Variants in COL27A1 observed in about 807,000 individuals in gnomAD.
The protein encoded by COL27A1 is collagen alpha-1(XXVII) chain.
A neutral mutation model predicts 251.3 loss-of-function variants in COL27A1; 106 were observed. The ratio of observed to expected loss-of-function variants is 0.42; its 90% confidence interval spans 0.36 to 0.50. The LOEUF (loss-of-function observed/expected upper bound fraction) is 0.50, where lower values mean the gene tolerates loss of function less well. Among genes scored for constraint, COL27A1 ranks in the 20% least tolerant of loss-of-function variants. COL27A1 has a pLI of 0.00. For synonymous variants in COL27A1, 1,000 were observed against 986.3 expected (o/e 1.01, Z -0.26); for missense variants, 2,325 against 2,522.8 (o/e 0.92, Z 1.68).
intron 60 of COL27A1, 133 bp downstream of exon 60, chr9:114,309,611 A>G: frequency 1.4e-6 from 1 of 709,640 alleles, no homozygotes; most frequent in Admixed American, 3.0e-5. Flanking sequence ...GATAGATATG[A>G]TTTCATCTTT....
chr9:114,271,170 T>C (rs1431626414), intron 36 of COL27A1: 1 of 216,768 alleles, frequency 4.6e-6, no homozygotes, highest in Non-Finnish European at 9.0e-6. Context: ...CAATGACTTA[T>C]AAGCCACAAT....
At chr9:114,289,319 G>A in intron 45 of COL27A1, 24 bp downstream of exon 45, 4 of 1,559,286 alleles carry the variant, frequency 2.6e-6, no homozygotes, top group South Asian at 1.2e-5. Context: ...GGGTTCAGCA[G>A]GGAGACTGAG....
chr9:114,290,306 G>C lies in COL27A1; in HGVS notation c.4343G>C (p.Gly1448Ala). The change falls in exon 47 of 61, where the codon GGC becomes GCC. Residue 1448 changes from glycine to alanine, a missense_variant. Gly to Ala is a moderately conservative substitution (Grantham distance 60). Coordinates refer to ENST00000356083, the MANE Select transcript of COL27A1 (RefSeq NM_032888.4). This position sits in a 1 kb window ranked among gnomAD's most constrained non-coding sequence, Gnocchi z 4.6. ...ATCGCTGGACCAGATGGGCTTCCTGGCAGGGACGGGCAAGCAGGACAGCAG... is the reference window on the plus strand; with the variant it reads ...ATCGCTGGACCAGATGGGCTTCCTGCCAGGGACGGGCAAGCAGGACAGCAG... Reference protein sequence around the residue: ...EGIAGPDGLPGRDGQAGQQGE... With the variant: ...EGIAGPDGLPARDGQAGQQGE... 1 of 1,582,040 alleles carries C rather than the reference G, an allele frequency of 6.3e-7. No homozygotes were observed. Among genetic ancestry groups the C allele is most frequent in the Non-Finnish European group, 8.6e-7 (1 of 1,164,266 alleles).
At chr9:114,214,811 G>T (rs1266571342) in intron 12 of COL27A1, among the ~76,000 whole-genome samples, 1 of 152,214 alleles carries the variant, frequency 6.6e-6, no homozygotes, top group South Asian at 2.1e-4. Context: ...CTGGCGAGGG[G>T]TCCAGGTGGA....
chr9:114,221,790 T>C (rs7019849), intron 13 of COL27A1, among the ~76,000 whole-genome samples: 110,215 of 152,130 alleles, frequency 0.72, 40,728 homozygotes, highest in South Asian at 0.87. Context: ...GGAAGGAGGC[T>C]GGCTTAGAGG....
chr9:114,268,392 AG>A (rs1834889587), intron 34 of COL27A1, among the ~76,000 whole-genome samples: 1 of 152,228 alleles, frequency 6.6e-6, no homozygotes, highest in African/African-American at 2.4e-5. Flanking sequence ...AGACACCAGC[AG>A]GGAGCATAGC....
chr9:114,209,924 G>A (rs1830230861), intron 11 of COL27A1, among the ~76,000 whole-genome samples, 196 bp downstream of exon 11: 1 of 152,214 alleles, frequency 6.6e-6, no homozygotes, highest in African/African-American at 2.4e-5. Context: ...GCGAAGTCAG[G>A]GATTTACGGT....
At chr9:114,279,541 G>C (rs1235533331) in intron 37 of COL27A1, among the ~76,000 whole-genome samples, 1 of 152,116 alleles carries the variant, frequency 6.6e-6, no homozygotes, top group Non-Finnish European at 1.5e-5. Flanking sequence ...AAAGAAACAG[G>C]TAACTTCAAT....
chr9:114,253,273 AAAAG>A (rs1477012796), intron 27 of COL27A1, among the ~76,000 whole-genome samples: 5 of 139,120 alleles, frequency 3.6e-5, no homozygotes, highest in South Asian at 4.6e-4. Context: ...AAAAGAAAGG[AAAAG>A]AAAGAAAGAG....
At chr9:114,302,142 G>A in intron 56 of COL27A1, 34 bp downstream of exon 56, 2 of 1,589,972 alleles carry the variant, frequency 1.3e-6, no homozygotes, top group Non-Finnish European at 1.7e-6. Context: ...GCCTACTTGG[G>A]GTAAGGCCTG....
In COL27A1 at chr9:114,309,355, C is replaced by T. The variant is rs372432322; in HGVS notation, c.5313C>T (p.Thr1771=). ...TCACCATCCACTGCCTTAACATGAC[C>T]GTGTGGCAGGAGGGCACTGGGCAGA... ...QHITIHCLNM[T]VWQEGTGQTP... The change falls in exon 60 of 61, where the codon ACC becomes ACT. Residue 1771 remains threonine (T), a synonymous_variant. Coordinates refer to ENST00000356083, the MANE Select transcript of COL27A1 (RefSeq NM_032888.4). 1.8e-5 allele frequency: 29 copies of T among 1,613,974 alleles called. No individual in the cohort carries two copies. Among genetic ancestry groups the T allele is most frequent in the East Asian group, 4.5e-5 (2 of 44,878 alleles).
chr9:114,290,727 G>A lies in COL27A1; in HGVS notation c.4369-83G>A, dbSNP rs1588881715. On this transcript the variant is annotated intron_variant, in intron 47 of 60. Transcript: ENST00000356083. This position sits in a 1 kb window ranked among gnomAD's most constrained non-coding sequence, Gnocchi z 4.6. ...GACCCCTTCCTCCAGCTTCACCCAGGGTTTGCCCAGGCGTTGAGCCATCTG... is the reference window on the plus strand; with the variant it reads ...GACCCCTTCCTCCAGCTTCACCCAGAGTTTGCCCAGGCGTTGAGCCATCTG... 2.9e-6 allele frequency: 3 copies of A among 1,034,222 alleles called. No homozygotes were observed. 64.1% of individuals were successfully genotyped at this position (1,034,222 alleles called of 1,614,324 possible).
chr9:114,268,217 G>T (rs1351328074), intron 34 of COL27A1, among the ~76,000 whole-genome samples: 1 of 152,102 alleles, frequency 6.6e-6, no homozygotes, highest in Non-Finnish European at 1.5e-5. Context: ...AGGGCTGGGG[G>T]CTCAGAGCTC....
rs1830946424 is a variant in COL27A1, at chr9:114,219,707, T to TC, written c.2368-78dup. 8.5e-6 allele frequency: 8 copies of TC among 940,124 alleles called. No homozygotes were observed. The Middle Eastern group carries it at 1.4e-3, about 162-fold the overall frequency. 58.2% of individuals were successfully genotyped at this position (940,124 alleles called of 1,614,324 possible). On this transcript the variant is annotated intron_variant, in intron 12 of 60. Transcript: ENST00000356083. ...AGACTGCTTGGACATTGTCCTTGTGTCCCCCCTGGGGGTCTGGATCAAAGC... is the reference window on the plus strand; with the variant it reads ...AGACTGCTTGGACATTGTCCTTGTGTCCCCCCCTGGGGGTCTGGATCAAAGC...
chr9:114,159,909 A>G (rs1848374652), intron 1 of COL27A1, among the ~76,000 whole-genome samples: 1 of 152,200 alleles, frequency 6.6e-6, no homozygotes, highest in Non-Finnish European at 1.5e-5. Flanking sequence ...TGCTTCAAGT[A>G]AGCAAGTCAT....
chr9:114,285,567 A>C (rs1827414837), intron 41 of COL27A1, among the ~76,000 whole-genome samples: 1 of 152,002 alleles, frequency 6.6e-6, no homozygotes, highest in Non-Finnish European at 1.5e-5. Flanking sequence ...TCTTTTGCTG[A>C]GTCAGCTCCC....
intron 5 of COL27A1, among the ~76,000 whole-genome samples, chr9:114,193,423 C>G (rs1828886205): frequency 6.6e-6 from 1 of 152,128 alleles, no homozygotes; most frequent in South Asian, 2.1e-4. Flanking sequence ...GAGTGCTTGC[C>G]TCTGATGGGG....
intron 8 of COL27A1, 109 bp downstream of exon 8, chr9:114,205,255 G>C: frequency 9.5e-7 from 1 of 1,054,184 alleles, no homozygotes; most frequent in South Asian, 1.5e-5. Context: ...CCCAGAGCCA[G>C]GCTGTTTTGC....
chr9:114,167,914 A>G lies in COL27A1; in HGVS notation c.359A>G (p.Gln120Arg), dbSNP rs2567706. 402,515 of 1,611,778 alleles carry G rather than the reference A, an allele frequency of 0.25. 52,570 individuals are homozygous for G. The highest frequency in any genetic ancestry group is 0.32 in the Middle Eastern group (1,926 of 6,058). Residue 120 changes from glutamine (Q) to arginine (R), a missense_variant, in exon 3 of 61, where the codon CAG becomes CGG. By Grantham distance (43) the Gln-to-Arg change is conservative (BLOSUM62 1). This residue lies in a region of COL27A1 where 1,183 missense variants were observed against 1,144.1 expected (regional missense o/e 1.03). Coordinates refer to ENST00000356083, the MANE Select transcript of COL27A1 (RefSeq NM_032888.4). Reference protein sequence around the residue: ...NHAFLFAVRSQKRKLQLGLQF... With the variant: ...NHAFLFAVRSRKRKLQLGLQF... ...GCCTTCCTCTTCGCTGTCCGCAGCC[A>G]GAAACGCAAGCTGCAGCTGGGCCTG... is the stretch of plus-strand genomic sequence containing the variant.
Sources: allele counts gnomAD v4.1 joint callset (sites outside exome capture counted in the v4.1 genomes callset), GRCh38; gene constraint gnomAD v4.1.1; regional missense constraint gnomAD v4.1.1; non-coding constraint Gnocchi (gnomAD v3.1); transcripts MANE v1.5; gene names NCBI Gene and HGNC (gene_info 2026-07-23, HGNC 2026-07-21).